The following PLEKHM3 variants were observed in gnomAD, a reference collection of about 807,000 sequenced individuals.
The protein encoded by PLEKHM3 is pleckstrin homology domain containing M3, also known as pleckstrin homology domain-containing family M member 3.
PLEKHM3 carries 45 observed loss-of-function variants against 81.8 expected under a neutral mutation model. That is an observed-to-expected ratio of 0.55 (90% confidence interval 0.43 to 0.71). The LOEUF (loss-of-function observed/expected upper bound fraction) is 0.71. Ranked by LOEUF, PLEKHM3 falls within the 30% of genes least tolerant of loss-of-function variation. PLEKHM3 has a pLI of 0.00. For synonymous variants in PLEKHM3, 352 were observed against 356.4 expected, an observed-to-expected ratio of 0.99 and a Z score of 0.14; for missense variants, 788 against 924.3, an observed-to-expected ratio of 0.85 and a Z score of 1.91.
At chr2:207,986,076 G>A (rs1403091122) in intron 2 of PLEKHM3, among the ~76,000 whole-genome samples, 13 of 152,074 alleles carry the variant, frequency 8.5e-5, no homozygotes, top group Admixed American at 8.5e-4. Context: ...GGGCTGCCCG[G>A]GTCAGAATAA....
chr2:207,847,574 A>C (rs575720634), intron 7 of PLEKHM3, among the ~76,000 whole-genome samples: 86 of 152,340 alleles, frequency 5.6e-4, no homozygotes, highest in African/African-American at 2.0e-3. Context: ...GGGTCCCCAC[A>C]GTCCCTTCTA....
chr2:208,014,453 G>A (rs965109378), intron 1 of PLEKHM3, among the ~76,000 whole-genome samples: 1 of 152,180 alleles, frequency 6.6e-6, no homozygotes, highest in African/African-American at 2.4e-5. Context: ...GGACCAGCCT[G>A]GCCAACATGG....
chr2:208,012,191 G>T (rs759406843), intron 1 of PLEKHM3, among the ~76,000 whole-genome samples: 1 of 151,978 alleles, frequency 6.6e-6, no homozygotes, highest in Non-Finnish European at 1.5e-5. Flanking sequence ...ACAGGTGCCC[G>T]CCACCACGCC....
At position 207,898,139 on chromosome 2, in the gene PLEKHM3, C is replaced by T. The variant is rs1024957294; in HGVS notation, c.1950+10375G>A. 5.3e-5 allele frequency among the ~76,000 whole-genome samples: 8 copies of T among 152,290 alleles called. No homozygotes were observed. In the South Asian group the frequency reaches 6.2e-4, roughly 12 times the overall value. On this transcript the variant is annotated intron_variant, in intron 6 of 7. Coordinates refer to ENST00000427836, the MANE Select transcript of PLEKHM3 (RefSeq NM_001080475.3). The stretch of plus-strand genomic sequence containing the variant: ...CGTAATTCAGCATTCATTAGTTTGA[C>T]GGAACAAAAGCAGGCATTCTCTATT...
chr2:207,830,087 C>T (rs1444731537), intron 7 of PLEKHM3, among the ~76,000 whole-genome samples: 30 of 152,154 alleles, frequency 2.0e-4, no homozygotes, highest in Non-Finnish European at 3.7e-4. Flanking sequence ...ACACCTATTC[C>T]AGCAGAGGCA....
chr2:208,013,451 G>A (rs1029864043), intron 1 of PLEKHM3, among the ~76,000 whole-genome samples: 3 of 151,388 alleles, frequency 2.0e-5, no homozygotes, highest in African/African-American at 7.3e-5. Flanking sequence ...AGGAGGCGGA[G>A]GTTGTGGTGA....
At chr2:207,888,380 T>TACAC (rs1177935540) in intron 6 of PLEKHM3, among the ~76,000 whole-genome samples, 1 of 142,858 alleles carries the variant, frequency 7.0e-6, no homozygotes, top group Non-Finnish European at 1.5e-5. Context: ...CACACACACT[T>TACAC]GGATAATTCC....
intron 2 of PLEKHM3, among the ~76,000 whole-genome samples, chr2:207,999,307 C>A (rs1442607257): frequency 1.3e-5 from 2 of 151,530 alleles, no homozygotes; most frequent in Non-Finnish European, 2.9e-5. Context: ...GTCATCAAGT[C>A]CTGTGCTTTA....
At chr2:208,007,669 GCA>G (rs1692540695) in intron 1 of PLEKHM3, among the ~76,000 whole-genome samples, 1 of 152,196 alleles carries the variant, frequency 6.6e-6, no homozygotes, top group African/African-American at 2.4e-5. Context: ...TATAATCCCA[GCA>G]CTTTGGGAGG....
intron 6 of PLEKHM3, among the ~76,000 whole-genome samples, chr2:207,865,803 G>T (rs2718662): frequency 0.25 from 7,211 of 29,160 alleles, 1,451 homozygotes; most frequent in African/African-American, 0.37. Context: ...AAAAAAAAAA[G>T]ATATATATAT....
At chr2:207,851,099 G>A (rs2092409664) in intron 7 of PLEKHM3, 1 of 135,332 alleles carries the variant, frequency 7.4e-6, no homozygotes, top group African/African-American at 2.9e-5. Flanking sequence ...GTTGCAGTGA[G>A]CCGACATCGC....
At position 207,825,160 on chromosome 2, in the gene PLEKHM3, T is replaced by C. The variant is rs2092241547; in HGVS notation, c.*3159A>G. ...CCATTCCAGTTGACGGCTTTTTAAG[T>C]ACTTTGTGGCCTTCCTGCCGCGGTG... On this transcript the variant is annotated 3_prime_UTR_variant, in exon 8 of 8. Coordinates refer to ENST00000427836, the MANE Select transcript of PLEKHM3 (RefSeq NM_001080475.3). 1 of 152,178 alleles carries C rather than the reference T, an allele frequency of 6.6e-6. No individual in the cohort carries two copies. The highest frequency in any genetic ancestry group is 1.5e-5 in the Non-Finnish European group (1 of 68,038). 9.4% of individuals were successfully genotyped at this position (152,178 alleles called of 1,614,324 possible).
At position 207,942,390 on chromosome 2, in the gene PLEKHM3, T is replaced by C. The variant is rs927114481; in HGVS notation, c.1692+3977A>G. On this transcript the variant is annotated intron_variant, in intron 4 of 7. Transcript: ENST00000427836. ...AGTCGGATGTAGTGATGTGCACCTA[T>C]GGTCCCAGCTAGTTGGGAGGCTGAG... Among the ~76,000 whole-genome samples the C allele has an allele frequency of 9.2e-5, 14 of 152,040 alleles. 1 individual carries two copies. The highest frequency in any genetic ancestry group is 7.2e-4 in the Admixed American group (11 of 15,260).
intron 5 of PLEKHM3, among the ~76,000 whole-genome samples, chr2:207,929,298 A>C (rs1559242191): frequency 1.3e-5 from 2 of 152,192 alleles, no homozygotes; most frequent in Admixed American, 1.3e-4. Flanking sequence ...GCTGGAATTG[A>C]GTAGAGATTC....
intron 5 of PLEKHM3, among the ~76,000 whole-genome samples, chr2:207,929,047 T>C (rs1434330420): frequency 1.3e-5 from 2 of 152,240 alleles, no homozygotes; most frequent in South Asian, 2.1e-4. Context: ...TTAATATACA[T>C]CCATCCCTCC....
chr2:208,023,969 C>G (rs1308377634), intron 1 of PLEKHM3, among the ~76,000 whole-genome samples: 1 of 151,836 alleles, frequency 6.6e-6, no homozygotes, highest in African/African-American at 2.4e-5. Context: ...ATGGCGAAAC[C>G]CTGTCTCTAC....
At position 207,977,457 on chromosome 2, in the gene PLEKHM3, C is replaced by T. The variant is rs1691357939; in HGVS notation, c.740G>A (p.Ser247Asn). ...PYNLYFYSLD[S>N]SGNQNLYATY... Reference sequence around the variant, plus strand: ...GGCATAAAGGTTTTGATTCCCACTGCTGTCGAGGCTGTAGAAGTATAAGTT... The same window carrying T: ...GGCATAAAGGTTTTGATTCCCACTGTTGTCGAGGCTGTAGAAGTATAAGTT... Residue 247 changes from serine (S) to asparagine (N), a missense_variant, in exon 3 of 8, where the codon AGC becomes AAC. Transcript: ENST00000427836. 1 of 1,614,090 alleles carries T rather than the reference C, an allele frequency of 6.2e-7. No homozygotes were observed. Among genetic ancestry groups the T allele is most frequent in the South Asian group, 1.1e-5 (1 of 91,088 alleles).
intron 3 of PLEKHM3, among the ~76,000 whole-genome samples, chr2:207,960,447 C>T (rs1183927626): frequency 6.6e-6 from 1 of 152,210 alleles, no homozygotes; most frequent in Non-Finnish European, 1.5e-5. Context: ...CTTCAGGACT[C>T]CAGCTGTGGC....
intron 7 of PLEKHM3, among the ~76,000 whole-genome samples, chr2:207,849,984 C>T (rs1044177306): frequency 4.6e-5 from 7 of 152,170 alleles, no homozygotes; most frequent in African/African-American, 1.7e-4. Context: ...AAACATGGCA[C>T]TGGCATCTGC....
Sources: allele counts gnomAD v4.1 joint callset (sites outside exome capture counted in the v4.1 genomes callset), GRCh38; gene constraint gnomAD v4.1.1; transcripts MANE v1.5; gene names NCBI Gene and HGNC (gene_info 2026-07-23, HGNC 2026-07-21).